Variants in DNAH6 observed in about 807,000 individuals in gnomAD.
DNAH6 encodes axonemal beta dynein heavy chain 6.
A neutral mutation model predicts 491.4 loss-of-function variants in DNAH6; 340 were observed. The observed-to-expected ratio is 0.69, with a 90% CI of 0.63 to 0.76. The LOEUF (loss-of-function observed/expected upper bound fraction) is 0.76, where lower values mean the gene tolerates loss of function less well. Ranked by LOEUF, DNAH6 falls within the 30% of genes least tolerant of loss-of-function variation. DNAH6 has a pLI of 0.00. For missense variants in DNAH6, 4,443 were observed against 4,972.2 expected, an observed-to-expected ratio of 0.89 and a Z score of 3.20; for synonymous variants, 1,603 against 1,686.1, an observed-to-expected ratio of 0.95 and a Z score of 1.21.
intron 52 of DNAH6, 39 bp downstream of exon 52, chr2:84,705,786 GC>G: frequency 6.6e-7 from 1 of 1,512,790 alleles, no homozygotes; most frequent in Non-Finnish European, 8.9e-7. Context: ...AGAATTGAAG[GC>G]CATGATCGCC....
At chr2:84,643,683 G>A (rs147025334) in intron 33 of DNAH6, among the ~76,000 whole-genome samples, 223 of 152,232 alleles carry the variant, frequency 1.5e-3, no homozygotes, top group African/African-American at 5.2e-3. Context: ...CTTCATCTCT[G>A]TTATAGTGTG....
chr2:84,660,865 G>T (rs1201075350), intron 37 of DNAH6, among the ~76,000 whole-genome samples: 1 of 152,060 alleles, frequency 6.6e-6, no homozygotes, highest in Non-Finnish European at 1.5e-5. Context: ...TGTCATAAGA[G>T]ACAAAGTTGA....
intron 63 of DNAH6, among the ~76,000 whole-genome samples, chr2:84,754,522 A>G (rs1227904134): frequency 7.2e-5 from 11 of 152,334 alleles, no homozygotes; most frequent in East Asian, 3.9e-4. Flanking sequence ...TTGTCACAGC[A>G]TCATTTGTTG....
chr2:84,688,955 C>G (rs1453500215), intron 45 of DNAH6, among the ~76,000 whole-genome samples: 2 of 152,180 alleles, frequency 1.3e-5, no homozygotes, highest in Non-Finnish European at 2.9e-5. Flanking sequence ...TATAGCAAAA[C>G]AAGTTCAATC....
Position 84,795,320 on chromosome 2 carries a change from T to TAATAA in DNAH6, c.11240-964_11240-960dup, listed in dbSNP as rs574462878. Among the ~76,000 whole-genome samples, 846 of 151,972 alleles carry TAATAA rather than the reference T, an allele frequency of 5.6e-3. 3 individuals carry two copies. Among genetic ancestry groups the TAATAA allele is most frequent in the Non-Finnish European group, 8.2e-3 (555 of 67,956 alleles). On this transcript the variant is annotated intron_variant, in intron 68 of 76. Coordinates refer to ENST00000389394, the MANE Select transcript of DNAH6 (RefSeq NM_001370.2). ...TACCCTAAAACTTAAAGTGTAATAA[T>TAATAA]AATAAAATAAAATAAAATAAAATAA...
the DNAH6 span, among the ~76,000 whole-genome samples, chr2:84,469,861 G>T: frequency 1.3e-5 from 2 of 152,116 alleles, no homozygotes; most frequent in African/African-American, 2.4e-5. This position sits in a 1 kb window ranked among gnomAD's most constrained non-coding sequence, Gnocchi z 4.0. Flanking sequence ...AGCCAAGAGG[G>T]ACTTTACCAA....
At chr2:84,800,548 T>G (rs1484162865) in intron 70 of DNAH6, among the ~76,000 whole-genome samples, 1 of 152,112 alleles carries the variant, frequency 6.6e-6, no homozygotes, top group Non-Finnish European at 1.5e-5. Context: ...TACAGCTATA[T>G]TAAGAAAGAA....
intron 62 of DNAH6, among the ~76,000 whole-genome samples, chr2:84,742,087 A>G (rs753044544): frequency 3.9e-5 from 6 of 152,180 alleles, no homozygotes. Context: ...ACCTGTTTGA[A>G]CTGTGAGTAT....
intron 4 of DNAH6, among the ~76,000 whole-genome samples, chr2:84,536,576 G>A (rs1266692723): frequency 7.1e-6 from 1 of 140,554 alleles, no homozygotes; most frequent in African/African-American, 2.6e-5. Flanking sequence ...ATCAAAGAAA[G>A]ACAAGTAACA....
At chr2:84,478,263 A>G in the DNAH6 span, among the ~76,000 whole-genome samples, 2 of 152,248 alleles carry the variant, frequency 1.3e-5, no homozygotes, top group Non-Finnish European at 2.9e-5. Flanking sequence ...TGCAGCCTCC[A>G]AGAGAGACAG....
In DNAH6 at chr2:84,710,400, C is replaced by T. The variant is rs1024356449; in HGVS notation, c.9366C>T (p.Val3122=). ...LENSIRLGLP[V]LLEELKETLD... is the part of the protein sequence containing the mutation. ...ATTCAATCCGACTTGGTTTACCTGTCTTACTGGAAGAGGTTTGATTTTCAC... is the reference window on the plus strand; with the variant it reads ...ATTCAATCCGACTTGGTTTACCTGTTTTACTGGAAGAGGTTTGATTTTCAC... The change falls in exon 56 of 77, where the codon GTC becomes GTT. Residue 3122 remains valine, a synonymous_variant. Coordinates refer to ENST00000389394, the MANE Select transcript of DNAH6 (RefSeq NM_001370.2). 8.4e-6 allele frequency: 13 copies of T among 1,551,550 alleles called. No individual in the cohort carries two copies. The African/African-American group carries it at 1.5e-4, about 18-fold the overall frequency.
chr2:84,708,095 G>A (rs1696649496), intron 54 of DNAH6, among the ~76,000 whole-genome samples: 1 of 152,146 alleles, frequency 6.6e-6, no homozygotes, highest in African/African-American at 2.4e-5. Context: ...GAAAGGAGCA[G>A]GCAGGACCAG....
At chr2:84,658,931 C>T (rs1195381601) in intron 36 of DNAH6, 95 bp from the exon 37 acceptor site, 1 of 776,208 alleles carries the variant, frequency 1.3e-6, no homozygotes, top group African/African-American at 1.8e-5. Context: ...ATGTGTGAGT[C>T]TAAATGAAAG....
chr2:84,648,233 G>C (rs1412441195), intron 33 of DNAH6, among the ~76,000 whole-genome samples: 1 of 152,138 alleles, frequency 6.6e-6, no homozygotes, highest in Admixed American at 6.6e-5. Flanking sequence ...ACTGCTCATT[G>C]GCAATGAACC....
intron 68 of DNAH6, among the ~76,000 whole-genome samples, chr2:84,787,908 G>A (rs1157401444): frequency 1.3e-5 from 2 of 152,126 alleles, no homozygotes; most frequent in Non-Finnish European, 2.9e-5. Context: ...GGCTCAAGTA[G>A]TAAGGGAGAG....
chr2:84,626,183 T>G (rs1182511081), intron 29 of DNAH6, among the ~76,000 whole-genome samples: 2 of 152,144 alleles, frequency 1.3e-5, no homozygotes, highest in African/African-American at 4.8e-5. Flanking sequence ...CTATTTAAAC[T>G]GTAAAAACAT....
At chr2:84,798,737 C>G (rs1678579145) in intron 70 of DNAH6, among the ~76,000 whole-genome samples, 1 of 152,174 alleles carries the variant, frequency 6.6e-6, no homozygotes, top group South Asian at 2.1e-4. Context: ...GCACAGCCTC[C>G]ACGGCCCTGC....
intron 14 of DNAH6, among the ~76,000 whole-genome samples, chr2:84,580,093 A>G (rs1473407424): frequency 6.6e-6 from 1 of 152,190 alleles, no homozygotes; most frequent in East Asian, 1.9e-4. Context: ...TTGGAATTCT[A>G]ATTTTTAGTA....
At chr2:84,612,597 C>A (rs1686439556) in intron 22 of DNAH6, among the ~76,000 whole-genome samples, 3 of 152,104 alleles carry the variant, frequency 2.0e-5, no homozygotes, top group Non-Finnish European at 4.4e-5. Flanking sequence ...ATTGAAAATT[C>A]TTTGGGTCTT....
Sources: allele counts gnomAD v4.1 joint callset (sites outside exome capture counted in the v4.1 genomes callset), GRCh38; gene constraint gnomAD v4.1.1; non-coding constraint Gnocchi (gnomAD v3.1); transcripts MANE v1.5; gene names NCBI Gene and HGNC (gene_info 2026-07-23, HGNC 2026-07-21).